P4HA3: variants seen among roughly 807,000 people sequenced by gnomAD.
P4HA3 encodes prolyl 4-hydroxylase subunit alpha-3.
A neutral mutation model predicts 66.7 loss-of-function variants in P4HA3; 60 were observed. The observed-to-expected ratio is 0.90, with a 90% CI of 0.73 to 1.12. The LOEUF is 1.12. Ranked by LOEUF, P4HA3 falls within the 50% of genes most tolerant of loss-of-function variation. The pLI, the probability that P4HA3 is intolerant of heterozygous loss-of-function variation, is 0.00. For synonymous variants in P4HA3, 263 were observed against 274.6 expected, an observed-to-expected ratio of 0.96 and a Z score of 0.42; for missense variants, 683 against 685.8, an observed-to-expected ratio of 1.00 and a Z score of 0.05.
intron 9 of P4HA3, among the ~76,000 whole-genome samples, chr11:74,274,207 C>T (rs947946211): frequency 2.6e-5 from 4 of 152,104 alleles, no homozygotes; most frequent in African/African-American, 7.2e-5. Flanking sequence ...TCTGCTTTCT[C>T]TCTATAGCAT....
At chr11:74,286,154 C>CA in intron 6 of P4HA3, 74 bp downstream of exon 6, 1 of 1,547,976 alleles carries the variant, frequency 6.5e-7, no homozygotes, top group South Asian at 1.2e-5. Flanking sequence ...TCTATCCCCT[C>CA]ATGTTATCCC....
At chr11:74,268,275 A>G in intron 11 of P4HA3, 34 bp from the exon 12 acceptor site, 1 of 1,567,466 alleles carries the variant, frequency 6.4e-7, no homozygotes, top group Non-Finnish European at 8.8e-7. Context: ...AGGGAGGGTC[A>G]GCCCAGAACC....
rs754206483 is a variant in P4HA3, at chr11:74,277,017, C to T, written c.1303G>A (p.Gly435Arg). The change falls in exon 9 of 13, where the codon GGA becomes AGA. Residue 435 changes from glycine (G) to arginine (R), a missense_variant. Transcript: ENST00000331597. ...YLQVVNYGIG[G>R]HYEPHFDHAT... ...TGGTCAAAGTGAGGCTCATAGTGTC[C>T]TCCGATGCCATAGTTCACCACCTGC... 1.9e-6 allele frequency: 3 copies of T among 1,613,994 alleles called. No individual in the cohort carries two copies. Among genetic ancestry groups the T allele is most frequent in the East Asian group, 4.5e-5 (2 of 44,868 alleles).
At chr11:74,294,774 G>A (rs1242516088) in intron 4 of P4HA3, among the ~76,000 whole-genome samples, 2 of 152,092 alleles carry the variant, frequency 1.3e-5, no homozygotes, top group Non-Finnish European at 1.5e-5. Flanking sequence ...TTGGTGAACT[G>A]CAGATGCTGC....
At chr11:74,297,247 T>A (rs890142114) in intron 4 of P4HA3, among the ~76,000 whole-genome samples, 1 of 152,022 alleles carries the variant, frequency 6.6e-6, no homozygotes, top group Admixed American at 6.6e-5. Flanking sequence ...AGCCACCACA[T>A]CCGGCCAACA....
chr11:74,272,365 T>C (rs561305861), intron 10 of P4HA3, among the ~76,000 whole-genome samples: 1 of 152,328 alleles, frequency 6.6e-6, no homozygotes, highest in East Asian at 1.9e-4. Context: ...CAGAGATATA[T>C]TGTGCCCTAG....
At chr11:74,270,284 A>G (rs1432858278) in intron 10 of P4HA3, among the ~76,000 whole-genome samples, 4 of 152,198 alleles carry the variant, frequency 2.6e-5, no homozygotes, top group Non-Finnish European at 5.9e-5. Context: ...TCTTCTTGAA[A>G]GCTGGGCATC....
At chr11:74,306,650 A>C (rs746324978) in intron 1 of P4HA3, among the ~76,000 whole-genome samples, 1 of 152,204 alleles carries the variant, frequency 6.6e-6, no homozygotes, top group Non-Finnish European at 1.5e-5. Context: ...GGAAGTGGCA[A>C]GGTGGTAGGA....
At chr11:74,293,514 G>A (rs1193987404) in intron 4 of P4HA3, among the ~76,000 whole-genome samples, 5 of 152,134 alleles carry the variant, frequency 3.3e-5, no homozygotes, top group Admixed American at 6.5e-5. Flanking sequence ...TATTTTGCTC[G>A]TTAGTTGATG....
At position 74,256,409 on chromosome 11, in the gene P4HA3, C is replaced by T. The variant is rs182871747; in HGVS notation, c.*1318+3514G>A. 4.3e-3 allele frequency among the ~76,000 whole-genome samples: 657 copies of T among 152,286 alleles called. 4 individuals carry two copies. Among genetic ancestry groups the T allele is most frequent in the South Asian group, 0.016 (79 of 4,824 alleles). On this transcript the variant is annotated intron_variant and NMD_transcript_variant, in intron 15 of 15. Coordinates refer to the P4HA3 transcript ENST00000524388. ...CCTTGTGAAGTACAGGCACTATCCC[C>T]AATTTAAAGGCAAGGAAGCAAAAGC... is the stretch of plus-strand genomic sequence containing the variant.
In P4HA3 at chr11:74,268,843, C is replaced by T. The variant is rs182540293; in HGVS notation, c.1468-602G>A. ...ATCCTGTATGTTTTTCCCCCATACA[C>T]GGCTTCTTTGCCGTATCTACTTCCT... On this transcript the variant is annotated intron_variant, in intron 11 of 12. Transcript: ENST00000331597. 3.2e-3 allele frequency among the ~76,000 whole-genome samples: 480 copies of T among 152,302 alleles called. 3 individuals carry two copies. In the Middle Eastern group the frequency reaches 0.034, roughly 11 times the overall value.
At chr11:74,300,330 T>G (rs758682504) in intron 3 of P4HA3, among the ~76,000 whole-genome samples, 153 of 152,230 alleles carry the variant, frequency 1.0e-3, no homozygotes, top group Non-Finnish European at 1.6e-3. Context: ...AATTAGACAA[T>G]TAAGAATTTC....
downstream of P4HA3, among the ~76,000 whole-genome samples, chr11:74,266,403 T>C (rs1394825862): frequency 6.6e-6 from 1 of 152,244 alleles, no homozygotes; most frequent in Non-Finnish European, 1.5e-5. Flanking sequence ...AGATTACTTA[T>C]AACACCTAAC....
chr11:74,280,437 G>A (rs1366165806), intron 7 of P4HA3, among the ~76,000 whole-genome samples: 2 of 152,172 alleles, frequency 1.3e-5, no homozygotes, highest in Non-Finnish European at 2.9e-5. Flanking sequence ...TGGGATTACA[G>A]GAATGAGCCA....
At chr11:74,271,181 G>A (rs551699832) in intron 10 of P4HA3, among the ~76,000 whole-genome samples, 4 of 152,270 alleles carry the variant, frequency 2.6e-5, no homozygotes, top group African/African-American at 7.2e-5. Flanking sequence ...GAACTGACAT[G>A]GTGATTTGGA....
At chr11:74,264,961 C>T (rs1236704633), downstream of P4HA3, among the ~76,000 whole-genome samples, 1 of 152,182 alleles carries the variant, frequency 6.6e-6, no homozygotes, top group Non-Finnish European at 1.5e-5. Context: ...CCATCTCAGA[C>T]ATTAAAAGCA....
At chr11:74,259,132 C>T (rs1037082470) in intron 15 of P4HA3, among the ~76,000 whole-genome samples, 1 of 152,214 alleles carries the variant, frequency 6.6e-6, no homozygotes, top group Non-Finnish European at 1.5e-5. Context: ...GGCACGGTGG[C>T]TCACGCCTGT....
At position 74,283,404 on chromosome 11, in the gene P4HA3, T is replaced by C. The variant is rs143857301; in HGVS notation, c.1110+2405A>G. 2.2e-3 allele frequency among the ~76,000 whole-genome samples: 342 copies of C among 152,270 alleles called. 2 individuals are homozygous for C. The highest frequency in any genetic ancestry group is 7.8e-3 in the African/African-American group (322 of 41,544). ...GTGGGGCTTAATTATCTCAAAAAGC[T>C]TCTGTGCAAAGATTCTAGACTTTCC... On this transcript the variant is annotated intron_variant, in intron 7 of 12. Transcript: ENST00000331597.
At chr11:74,285,722 T>C (rs1860769316) in intron 7 of P4HA3, 87 bp downstream of exon 7, 1 of 1,377,190 alleles carries the variant, frequency 7.3e-7, no homozygotes, top group East Asian at 2.3e-5. Flanking sequence ...AGGTGTCTAG[T>C]TGTTCAGGTT....
Sources: allele counts gnomAD v4.1 joint callset (sites outside exome capture counted in the v4.1 genomes callset), GRCh38; gene constraint gnomAD v4.1.1; transcripts MANE v1.5; gene names NCBI Gene and HGNC (gene_info 2026-07-23, HGNC 2026-07-21).